The following AMZ1 variants were observed in gnomAD, a reference collection of about 807,000 sequenced individuals.
The protein encoded by AMZ1 is archaemetzincin-1.
A neutral mutation model predicts 29.9 loss-of-function variants in AMZ1; 39 were observed. The ratio of observed to expected loss-of-function variants is 1.30; its 90% CI spans 1.01 to 1.70. The LOEUF is 1.70. Ranked by LOEUF, AMZ1 falls within the 40% of genes most tolerant of loss-of-function variation. The pLI is 0.00. For missense variants in AMZ1, 1,041 were observed against 680.6 expected (o/e 1.53, Z -5.89); for synonymous variants, 458 against 304.0 (o/e 1.51, Z -5.27).
intron 1 of AMZ1, among the ~76,000 whole-genome samples, chr7:2,695,878 C>T (rs182349712): frequency 0.012 from 1,802 of 151,712 alleles, 29 homozygotes; most frequent in African/African-American, 0.04. Flanking sequence ...GGCGTGGTGG[C>T]GGGCACCTGT....
At chr7:2,733,625 A>G in intron 4 of AMZ1, 2 of 716,584 alleles carry the variant, frequency 2.8e-6, no homozygotes, top group Admixed American at 2.1e-5. Context: ...AAAGCAAAGG[A>G]AAAAGGCAGA....
intron 1 of AMZ1, among the ~76,000 whole-genome samples, chr7:2,692,269 G>C (rs1161817346): frequency 6.6e-6 from 1 of 152,154 alleles, no homozygotes. Context: ...GGCCGGGCGT[G>C]GTGGCTCACG....
intron 6 of AMZ1, among the ~76,000 whole-genome samples, chr7:2,711,599 T>C (rs1464822303): frequency 1.3e-5 from 2 of 152,144 alleles, no homozygotes; most frequent in Admixed American, 1.3e-4. Flanking sequence ...CTTTACATTT[T>C]TTTCCCCCTG....
chr7:2,705,853 C>T (rs1356852375), intron 3 of AMZ1, among the ~76,000 whole-genome samples: 1 of 152,232 alleles, frequency 6.6e-6, no homozygotes, highest in African/African-American at 2.4e-5. Flanking sequence ...AGCCGGGGAC[C>T]CCGTGCCTCT....
chr7:2,720,041 A>G (rs1468854123), downstream of AMZ1, among the ~76,000 whole-genome samples: 1 of 152,232 alleles, frequency 6.6e-6, no homozygotes, highest in Non-Finnish European at 1.5e-5. Context: ...AGGCTAAATG[A>G]AAAGAGAATG....
intron 2 of AMZ1, chr7:2,702,495 G>A (rs1286717226): frequency 5.4e-6 from 3 of 556,500 alleles, no homozygotes; most frequent in African/African-American, 3.9e-5. Context: ...TGTCACTGCT[G>A]TCCTTTCATC....
At position 2,716,235 on chromosome 7, in the gene AMZ1, C is replaced by CAAATCTCTCT. The variant is rs1789115180; in HGVS notation, c.*3358_*3367dup. On this transcript the variant is annotated 3_prime_UTR_variant, in exon 7 of 7. Coordinates refer to ENST00000683327, the MANE Select transcript of AMZ1 (RefSeq NM_001384743.1). ...GTGAGAAGCAGTGTCCCCTCTGAGG[C>CAAATCTCTCT]AAATCTCTCTTCAGGCAGCCCCGCA... 1 of 152,234 alleles carries CAAATCTCTCT rather than the reference C, an allele frequency of 6.6e-6. No homozygotes were observed. Among genetic ancestry groups the CAAATCTCTCT allele is most frequent in the Admixed American group, 6.5e-5 (1 of 15,290 alleles). 9.4% of individuals were successfully genotyped at this position (152,234 alleles called of 1,614,324 possible). A position where few individuals can be genotyped will look rare whatever the true frequency, so the allele number is the denominator to read the frequency against.
rs369415899 is a variant in AMZ1, at chr7:2,717,718, C to A, written c.*4840C>A. Among the ~76,000 whole-genome samples the A allele has an allele frequency of 6.6e-6, 1 of 152,178 alleles. No homozygotes were observed. On this transcript the variant is annotated 3_prime_UTR_variant, in exon 7 of 7. Coordinates refer to ENST00000683327, the MANE Select transcript of AMZ1 (RefSeq NM_001384743.1). ...AACAGATGCAGATCGCGGGTGGAGA[C>A]GGCCGGCCGAGCCTTCCCTTTTCTG...
chr7:2,726,589 CTG>C (rs1583195863), intron 4 of AMZ1, among the ~76,000 whole-genome samples: 1 of 152,244 alleles, frequency 6.6e-6, no homozygotes, highest in Non-Finnish European at 1.5e-5. Context: ...TCGGAGCACA[CTG>C]TGTGCTCAGG....
intron 1 of AMZ1, among the ~76,000 whole-genome samples, chr7:2,691,662 C>T (rs867103541): frequency 5.7e-5 from 7 of 122,136 alleles, no homozygotes; most frequent in East Asian, 2.4e-4. Flanking sequence ...ACCCAGGAGG[C>T]GGAGGTTGCA....
intron 4 of AMZ1, among the ~76,000 whole-genome samples, chr7:2,726,198 G>A (rs1048886590): frequency 6.6e-6 from 1 of 152,198 alleles, no homozygotes; most frequent in African/African-American, 2.4e-5. Context: ...GATTAGCAAG[G>A]ATTTCATCTC....
chr7:2,737,199 C>T (rs1480734353), intron 4 of AMZ1, among the ~76,000 whole-genome samples: 2 of 150,474 alleles, frequency 1.3e-5, no homozygotes, highest in Non-Finnish European at 3.0e-5. Context: ...ACACCAACTT[C>T]CAGCTCCTGG....
chr7:2,751,258 T>C (rs1046839671), intron 4 of AMZ1, among the ~76,000 whole-genome samples: 12 of 151,984 alleles, frequency 7.9e-5, no homozygotes, highest in Admixed American at 6.6e-4. Context: ...TGTTGGCACA[T>C]GCTTGTAGTC....
At position 2,708,599 on chromosome 7, in the gene AMZ1, T is replaced by A. The variant is rs150929801; in HGVS notation, c.484T>A (p.Ser162Thr). Residue 162 changes from serine to threonine, a missense_variant, in exon 4 of 7, where the codon TCC (serine) becomes ACC (threonine). Transcript: ENST00000683327. ...RLQLHTDGIL[S>T]FLKNNKPGDA... ...CCCTCTCCCCGCAGACGGCATCCTGTCCTTCTTGAAGAACAACAAGCCAGG... is the reference window on the plus strand; with the variant it reads ...CCCTCTCCCCGCAGACGGCATCCTGACCTTCTTGAAGAACAACAAGCCAGG... 9.9e-5 allele frequency: 159 copies of A among 1,612,790 alleles called. No homozygotes were observed. Among genetic ancestry groups the A allele is most frequent in the Admixed American group, 1.7e-4 (10 of 60,020 alleles).
rs1562376122 is a variant in AMZ1 at position 2,712,553 on chromosome 7, CAG to C, written c.1175_1176del (p.Glu392GlyfsTer16). On this transcript the variant is annotated frameshift_variant, in exon 7 of 7. Transcript: ENST00000683327. LOFTEE classifies it low-confidence loss of function (END_TRUNC). ...GAAGGGCTGAGCTACCTGGCAGCCT[CAG>C]AGGCTCCGCTGCCACCTGGGGGCCC... 6.8e-6 allele frequency: 11 copies of C among 1,609,992 alleles called. No individual in the cohort carries two copies. Among genetic ancestry groups the C allele is most frequent in the Non-Finnish European group, 9.3e-6 (11 of 1,178,356 alleles).
At chr7:2,706,549 C>T (rs557771553) in intron 3 of AMZ1, among the ~76,000 whole-genome samples, 6 of 152,354 alleles carry the variant, frequency 3.9e-5, no homozygotes, top group Admixed American at 1.3e-4. Context: ...AGGGTGCTTC[C>T]TGGCTGCCTC....
Position 2,712,950 on chromosome 7 carries a change from A to C in AMZ1, c.*72A>C. ...GCACTGTCCAGTAGCTGAGGCCACT[A>C]CTGACCTGCCAGGGATAAAGAGGAA... On this transcript the variant is annotated 3_prime_UTR_variant, in exon 7 of 7. Transcript: ENST00000683327. 3 of 1,422,244 alleles carry C rather than the reference A, an allele frequency of 2.1e-6. No homozygotes were observed. The highest frequency in any genetic ancestry group is 2.6e-5 in the East Asian group (1 of 38,682). 88.1% of individuals were successfully genotyped at this position (1,422,244 alleles called of 1,614,324 possible). A position where few individuals can be genotyped will look rare whatever the true frequency, so the allele number is the denominator to read the frequency against.
At chr7:2,762,958 G>A, upstream of AMZ1, 21 of 1,363,514 alleles carry the variant, frequency 1.5e-5, no homozygotes, top group South Asian at 5.5e-5. Flanking sequence ...CCCGTGCCAG[G>A]GTCTCCTGCT....
At chr7:2,722,724 C>G (rs1040378199), downstream of AMZ1, among the ~76,000 whole-genome samples, 2 of 152,202 alleles carry the variant, frequency 1.3e-5, no homozygotes, top group African/African-American at 2.4e-5. Context: ...GTAATCCCAG[C>G]ACTTCAGGAA....
Sources: gnomAD v4.1 joint callset for allele counts (sites outside exome capture counted in the v4.1 genomes callset) on GRCh38, gnomAD v4.1.1 for gene constraint, MANE v1.5 for transcripts, NCBI Gene and HGNC (gene_info 2026-07-23, HGNC 2026-07-21) for gene names.